CROCC2: variants seen among roughly 807,000 people sequenced by gnomAD.
The protein encoded by CROCC2 is ciliary rootlet coiled-coil protein 2.
CROCC2 carries 163 observed loss-of-function variants against 177.6 expected under a neutral mutation model. The ratio of observed to expected loss-of-function variants is 0.92; its 90% CI spans 0.81 to 1.05. CROCC2 has a LOEUF of 1.05. CROCC2 is among the 50% of genes least tolerant of loss of function. CROCC2 has a pLI of 0.00. For missense variants in CROCC2, 1,929 were observed against 1,797.8 expected (o/e 1.07, Z -1.32); for synonymous variants, 904 against 787.3 (o/e 1.15, Z -2.48).
intron 27 of CROCC2, among the ~76,000 whole-genome samples, chr2:240,980,018 C>T (rs1311513166): frequency 7.8e-4 from 35 of 44,670 alleles, no homozygotes; most frequent in South Asian, 1.8e-3. Flanking sequence ...CATCCCTGCT[C>T]AAGCTCTGGG....
intron 5 of CROCC2, among the ~76,000 whole-genome samples, chr2:240,928,856 C>T (rs1183181278): frequency 7.7e-6 from 1 of 130,462 alleles, no homozygotes. Context: ...CACAGAGGGG[C>T]ATGCCCTCTG....
At position 240,950,386 on chromosome 2, in the gene CROCC2, T is replaced by TGGAGCA; in HGVS notation, c.2710_2715dup (p.Gln904_Glu905dup). The TGGAGCA allele has an allele frequency of 1.3e-6, 2 of 1,550,258 alleles. No homozygotes were observed. The highest frequency in any genetic ancestry group is 1.4e-5 in the African/African-American group (1 of 73,134). ...GAGAAGGAGGTAGCCAGATGCCAGC[T>TGGAGCA]GGAGCAGGAGAAGGAGCTGGTGACA... On this transcript the variant is annotated inframe_insertion, in exon 18 of 32. Coordinates refer to ENST00000690015, the MANE Select transcript of CROCC2 (RefSeq NM_001351305.2).
chr2:240,966,902 A>G (rs2059687862), intron 25 of CROCC2, among the ~76,000 whole-genome samples: 1 of 151,560 alleles, frequency 6.6e-6, no homozygotes, highest in Non-Finnish European at 1.5e-5. Context: ...GCAGGCCCTG[A>G]GCCCTGGCCA....
Position 240,965,366 on chromosome 2 carries a change from G to A in CROCC2, c.3466-15G>A, listed in dbSNP as rs1382109013. The A allele has an allele frequency of 6.5e-7, 1 of 1,548,972 alleles. No individual in the cohort carries two copies. The highest frequency in any genetic ancestry group is 2.4e-5 in the East Asian group (1 of 40,914). ...AGAGACCAGTGACCCTGTCCGTGCG[G>A]CCCCACGCTCCCAGGTGAGGACACT... On this transcript the variant is annotated splice_polypyrimidine_tract_variant and intron_variant, in intron 22 of 31. Transcript: ENST00000690015.
chr2:240,942,905 A>G (rs957863493), intron 14 of CROCC2, among the ~76,000 whole-genome samples: 4 of 152,156 alleles, frequency 2.6e-5, no homozygotes, highest in African/African-American at 7.2e-5. Flanking sequence ...CAAAAGTACT[A>G]TCTGACTTCT....
chr2:240,935,080 G>T lies in CROCC2; in HGVS notation c.1938+18G>T. On this transcript the variant is annotated intron_variant, in intron 13 of 31. Transcript: ENST00000690015. ...CTCTCCAGGTGAGACAAGGGCCAGTGGGGCGGGCCTCGCTGGAACCTGTTT... is the reference window on the plus strand; with the variant it reads ...CTCTCCAGGTGAGACAAGGGCCAGTTGGGCGGGCCTCGCTGGAACCTGTTT... 7.5e-7 allele frequency: 1 copy of T among 1,334,610 alleles called. No individual in the cohort carries two copies. 82.7% of individuals were successfully genotyped at this position (1,334,610 alleles called of 1,614,324 possible).
In CROCC2 at chr2:240,967,425, C is replaced by A; in HGVS notation, c.4227C>A (p.Arg1409=). ...AECRCARAQS[R]VGQLQKALAE... ...GCAGGTGTGCCCGGGCCCAGAGCCG[C>A]GTGGGGCAGCTGCAGAAAGCCCTGG... The change falls in exon 26 of 32, where the codon CGC becomes CGA. Residue 1409 remains arginine, a synonymous_variant. Coordinates refer to ENST00000690015, the MANE Select transcript of CROCC2 (RefSeq NM_001351305.2). The A allele has an allele frequency of 8.0e-7, 1 of 1,248,828 alleles. No homozygotes were observed. Among genetic ancestry groups the A allele is most frequent in the Non-Finnish European group, 1.1e-6 (1 of 871,606 alleles). The allele number at this position is 1,248,828 out of a possible 1,614,324, so 77.4% of individuals were successfully genotyped here.
Position 240,916,120 on chromosome 2 carries a change from C to A in CROCC2, c.79-2606C>A, listed in dbSNP as rs150927378. ...GAGGGGCCTGGGGAGTGGGCGGTGC[C>A]GACCCTCAGGACCACCCTGGAGCCG... On this transcript the variant is annotated intron_variant, in intron 1 of 31. Coordinates refer to ENST00000690015, the MANE Select transcript of CROCC2 (RefSeq NM_001351305.2). Among the ~76,000 whole-genome samples the A allele has an allele frequency of 7.5e-3, 1,137 of 152,218 alleles. 16 individuals carry two copies. Among genetic ancestry groups the A allele is most frequent in the African/African-American group, 0.026 (1,073 of 41,530 alleles).
chr2:240,989,975 CT>C, intron 30 of CROCC2, 142 bp downstream of exon 30: 1 of 749,498 alleles, frequency 1.3e-6, no homozygotes. Context: ...GGCTCCAGAC[CT>C]GCTCCGGGCA....
Position 240,935,018 on chromosome 2 carries a change from G to A in CROCC2, c.1894G>A (p.Gly632Arg). 1 of 1,427,908 alleles carries A rather than the reference G, an allele frequency of 7.0e-7. No individual in the cohort carries two copies. The highest frequency in any genetic ancestry group is 9.2e-7 in the Non-Finnish European group (1 of 1,087,798). The allele number at this position is 1,427,908 out of a possible 1,614,324, so 88.5% of individuals were successfully genotyped here. The change falls in exon 13 of 32, where the codon GGG becomes AGG. Residue 632 changes from glycine (G) to arginine (R), a missense_variant. This residue lies in a region of CROCC2 where 1,397 missense variants were observed against 1,239.9 expected (regional missense o/e 1.13). Coordinates refer to ENST00000690015, the MANE Select transcript of CROCC2 (RefSeq NM_001351305.2). ...GGCCGCAATGGCCGCCTTGATGGAG[G>A]GGTTGGCTCAGGACAAAAGTGCCCT... ...SLAAMAALME[G>R]LAQDKSALNH... is the part of the protein sequence containing the mutation.
chr2:240,934,492 A>G lies in CROCC2; in HGVS notation c.1791+17A>G, dbSNP rs1289752764. ...CTGGCGCGGGTACACTCTGCTCCCC[A>G]CAACCCCGCCCCCTCTCCTGTCTGC... On this transcript the variant is annotated intron_variant, in intron 12 of 31. Coordinates refer to ENST00000690015, the MANE Select transcript of CROCC2 (RefSeq NM_001351305.2). 1 of 1,542,046 alleles carries G rather than the reference A, an allele frequency of 6.5e-7. No homozygotes were observed. Among genetic ancestry groups the G allele is most frequent in the Non-Finnish European group, 8.7e-7 (1 of 1,143,880 alleles).
At chr2:240,967,002 A>G (rs2059688452) in intron 25 of CROCC2, among the ~76,000 whole-genome samples, 1 of 152,060 alleles carries the variant, frequency 6.6e-6, no homozygotes, top group Non-Finnish European at 1.5e-5. Context: ...CTCAGCCCCA[A>G]GTCCCGCCAG....
At chr2:240,974,538 T>C (rs573019630) in intron 27 of CROCC2, among the ~76,000 whole-genome samples, 2 of 147,876 alleles carry the variant, frequency 1.4e-5, no homozygotes, top group Admixed American at 6.7e-5. Context: ...TTTTTTCTTT[T>C]TTTTTTTTTT....
At chr2:240,934,731 G>A (rs1023802364) in intron 12 of CROCC2, among the ~76,000 whole-genome samples, 185 bp from the exon 13 acceptor site, 12 of 152,176 alleles carry the variant, frequency 7.9e-5, no homozygotes, top group African/African-American at 2.9e-4. Flanking sequence ...CCTCTGGCTG[G>A]AGCCTTAGTG....
rs5839784 is a variant in CROCC2 at position 240,953,420 on chromosome 2, CA to C, written c.2830-2428del. ...TGGGTGACAGAGTGAGACTCTGTCTCAAAAAAAAAAACAGGAGCACAGGCTA... is the reference window on the plus strand; with the variant it reads ...TGGGTGACAGAGTGAGACTCTGTCTCAAAAAAAAAACAGGAGCACAGGCTA... On this transcript the variant is annotated intron_variant, in intron 18 of 31. Transcript: ENST00000690015. The surrounding 1 kb of genome is among the most constrained non-coding windows in gnomAD (Gnocchi z 4.0). 4.1e-5 allele frequency among the ~76,000 whole-genome samples: 6 copies of C among 146,624 alleles called. No homozygotes were observed. In the East Asian group the frequency reaches 8.0e-4, roughly 20 times the overall value.
intron 14 of CROCC2, among the ~76,000 whole-genome samples, chr2:240,937,704 A>G (rs925589930): frequency 6.6e-6 from 1 of 152,206 alleles, no homozygotes; most frequent in African/African-American, 2.4e-5. Flanking sequence ...GGGGTTCTCC[A>G]CGTGTGCTTC....
intron 14 of CROCC2, among the ~76,000 whole-genome samples, chr2:240,939,655 T>C (rs2059486373): frequency 6.6e-6 from 1 of 152,184 alleles, no homozygotes; most frequent in African/African-American, 2.4e-5. Context: ...ATGAATTCAA[T>C]TTCTTTAACA....
intron 29 of CROCC2, 110 bp from the exon 30 acceptor site, chr2:240,989,544 G>A: frequency 9.4e-7 from 1 of 1,063,678 alleles, no homozygotes; most frequent in Non-Finnish European, 1.3e-6. Context: ...ACCGGCAGAG[G>A]GCAGTGGGGC....
At position 240,922,653 on chromosome 2, in the gene CROCC2, C is replaced by G; in HGVS notation, c.488+8C>G. 3.2e-6 allele frequency: 2 copies of G among 624,486 alleles called. No individual in the cohort carries two copies. Among genetic ancestry groups the G allele is most frequent in the South Asian group, 3.5e-5 (2 of 57,160 alleles). The allele number at this position is 624,486 out of a possible 1,614,324, so 38.7% of individuals were successfully genotyped here. On this transcript the variant is annotated splice_region_variant and intron_variant, in intron 4 of 31. Coordinates refer to ENST00000690015, the MANE Select transcript of CROCC2 (RefSeq NM_001351305.2). ...GGAGGCTGCCGAGGAGAGGTGAGGCCAGGTGCGGGGCAGTCAGGGCTGCAG... is the reference window on the plus strand; with the variant it reads ...GGAGGCTGCCGAGGAGAGGTGAGGCGAGGTGCGGGGCAGTCAGGGCTGCAG...
Sources: allele counts gnomAD v4.1 joint callset (sites outside exome capture counted in the v4.1 genomes callset), GRCh38; gene constraint gnomAD v4.1.1; regional missense constraint gnomAD v4.1.1; non-coding constraint Gnocchi (gnomAD v3.1); transcripts MANE v1.5; gene names NCBI Gene and HGNC (gene_info 2026-07-23, HGNC 2026-07-21).